Variants in FOXP2 observed in about 807,000 individuals in gnomAD.
FOXP2 encodes the protein forkhead box P2, also known as forkhead box protein P2.
Under a neutral mutation model 115.8 loss-of-function variants are expected in FOXP2, and 12 were observed. That is an observed-to-expected ratio of 0.10 (90% CI 0.07 to 0.17). The LOEUF (loss-of-function observed/expected upper bound fraction) is 0.17, where lower values mean the gene tolerates loss of function less well. FOXP2 is among the 10% of genes least tolerant of loss of function. The pLI is 1.00. For missense variants in FOXP2, 629 were observed against 843.5 expected (o/e 0.75, Z 3.15); for synonymous variants, 328 against 297.7 (o/e 1.10, Z -1.05).
intron 1 of FOXP2, among the ~76,000 whole-genome samples, chr7:114,248,345 C>T (rs1251013853): frequency 6.6e-6 from 1 of 152,112 alleles, no homozygotes; most frequent in Admixed American, 6.5e-5. Flanking sequence ...GTTAATCATC[C>T]AGAAACCCCT....
intron 1 of FOXP2, among the ~76,000 whole-genome samples, chr7:114,253,233 G>A (rs944056441): frequency 3.9e-5 from 6 of 151,926 alleles, no homozygotes; most frequent in African/African-American, 1.4e-4. Flanking sequence ...ATTTTGGAAT[G>A]AGTGTGGTGT....
rs575124310 is a variant in FOXP2, at chr7:114,189,088, G to A, written c.-102+26000G>A. On this transcript the variant is annotated intron_variant, in intron 1 of 17. Transcript: ENST00000634411. ...CCAGAAAATCAGAATTTTAAAAAAT[G>A]TGCTTAACTTCCTTTCATCTGCTAC... is the stretch of plus-strand genomic sequence containing the variant. Among the ~76,000 whole-genome samples, 4 of 152,076 alleles carry A rather than the reference G, an allele frequency of 2.6e-5. No individual in the cohort carries two copies. The South Asian group carries it at 8.3e-4, about 32-fold the overall frequency.
intron 2 of FOXP2, among the ~76,000 whole-genome samples, chr7:114,359,150 A>G (rs1264546365): frequency 4.6e-5 from 7 of 152,134 alleles, no homozygotes; most frequent in African/African-American, 1.7e-4. Flanking sequence ...TGTCCCAGCC[A>G]TGGGTAAAAG....
intron 1 of FOXP2, among the ~76,000 whole-genome samples, chr7:114,127,857 T>G (rs1416714531): frequency 1.3e-5 from 2 of 152,186 alleles, no homozygotes; most frequent in Non-Finnish European, 2.9e-5. Flanking sequence ...TATTCCTTAT[T>G]TAATGTATTA....
intron 3 of FOXP2, among the ~76,000 whole-genome samples, chr7:114,598,783 A>T (rs1802859544): frequency 6.6e-6 from 1 of 152,134 alleles, no homozygotes; most frequent in African/African-American, 2.4e-5. Context: ...TTCTATAAAA[A>T]GTACATTAAC....
chr7:114,596,272 A>G (rs970662900), intron 3 of FOXP2, among the ~76,000 whole-genome samples: 9 of 151,960 alleles, frequency 5.9e-5, no homozygotes, highest in Non-Finnish European at 5.9e-5. Context: ...CTTCTTGGAA[A>G]TCTGGAGTTT....
intron 1 of FOXP2, among the ~76,000 whole-genome samples, chr7:114,277,548 C>T (rs1221893273): frequency 6.6e-6 from 1 of 152,034 alleles, no homozygotes; most frequent in Non-Finnish European, 1.5e-5. Context: ...CCCCTGACTT[C>T]ACTTGCAAGC....
intron 1 of FOXP2, among the ~76,000 whole-genome samples, chr7:114,262,707 AC>A (rs1366133944): frequency 3.9e-5 from 6 of 152,314 alleles, no homozygotes; most frequent in Non-Finnish European, 8.8e-5. Context: ...CCAATATTAG[AC>A]AATGCAGGTC....
intron 2 of FOXP2, chr7:114,463,167 T>C: frequency 3.3e-6 from 1 of 299,966 alleles, no homozygotes; most frequent in South Asian, 2.7e-5. Flanking sequence ...TAGCTAGGAC[T>C]ACAGGTGTGT....
At chr7:114,492,743 G>C (rs1338792940) in intron 2 of FOXP2, among the ~76,000 whole-genome samples, 1 of 152,138 alleles carries the variant, frequency 6.6e-6, no homozygotes, top group Non-Finnish European at 1.5e-5. Context: ...TCTTAATACT[G>C]AGTTCTAGTT....
intron 1 of FOXP2, among the ~76,000 whole-genome samples, chr7:114,268,448 G>A (rs2129172414): frequency 6.6e-6 from 1 of 152,174 alleles, no homozygotes; most frequent in South Asian, 2.1e-4. Flanking sequence ...GTACAAAAAT[G>A]CTCACATTTT....
chr7:114,432,198 G>A (rs1794142810), intron 2 of FOXP2, among the ~76,000 whole-genome samples: 2 of 151,954 alleles, frequency 1.3e-5, no homozygotes, highest in African/African-American at 4.8e-5. Context: ...TGTTCAGTTG[G>A]AAGCAGCTTG....
chr7:114,184,775 C>G (rs1318434052), intron 1 of FOXP2, among the ~76,000 whole-genome samples: 1 of 152,090 alleles, frequency 6.6e-6, no homozygotes, highest in Non-Finnish European at 1.5e-5. Flanking sequence ...AATATATATG[C>G]AAAACTGCCA....
intron 3 of FOXP2, among the ~76,000 whole-genome samples, chr7:114,616,738 T>A (rs551525221): frequency 9.7e-4 from 148 of 152,334 alleles, no homozygotes; most frequent in Non-Finnish European, 1.9e-3. Flanking sequence ...GATATGCTAA[T>A]GACTCCCCAA....
chr7:114,090,970 C>G (rs1316866603), intron 1 of FOXP2, among the ~76,000 whole-genome samples: 1 of 151,660 alleles, frequency 6.6e-6, no homozygotes. Flanking sequence ...AAAATGCCAT[C>G]ACTTTTTTTT....
chr7:114,493,712 A>G (rs1377924858), intron 2 of FOXP2, among the ~76,000 whole-genome samples: 1 of 151,964 alleles, frequency 6.6e-6, no homozygotes, highest in East Asian at 1.9e-4. Context: ...ACACTCTTAC[A>G]CACAAGTGGA....
At chr7:114,107,458 A>G (rs1437359625) in intron 1 of FOXP2, among the ~76,000 whole-genome samples, 1 of 151,966 alleles carries the variant, frequency 6.6e-6, no homozygotes, top group African/African-American at 2.4e-5. Flanking sequence ...TTTTAATTAT[A>G]GGTGTTAGGC....
At chr7:114,364,344 T>C (rs563610260) in intron 2 of FOXP2, among the ~76,000 whole-genome samples, 1 of 152,204 alleles carries the variant, frequency 6.6e-6, no homozygotes, top group South Asian at 2.1e-4. Context: ...TGGCACAGGA[T>C]ACACCCCTCA....
chr7:114,477,037 C>T (rs1441353535), intron 2 of FOXP2, among the ~76,000 whole-genome samples: 2 of 152,028 alleles, frequency 1.3e-5, no homozygotes, highest in Non-Finnish European at 2.9e-5. Context: ...AAAGAGAATG[C>T]TTATACATTG....
Sources: allele counts gnomAD v4.1 joint callset (sites outside exome capture counted in the v4.1 genomes callset), GRCh38; gene constraint gnomAD v4.1.1; transcripts MANE v1.5; gene names NCBI Gene and HGNC (gene_info 2026-07-23, HGNC 2026-07-21).